Variants in POU6F1 observed in about 807,000 individuals in gnomAD.
POU6F1 encodes the protein POU class 6 homeobox 1, also known as POU domain, class 6, transcription factor 1.
POU6F1 carries 9 observed loss-of-function variants against 28.9 expected under a neutral mutation model. The observed-to-expected ratio is 0.31, with a 90% CI of 0.19 to 0.54. POU6F1 has a LOEUF of 0.54. POU6F1 is among the 20% of genes least tolerant of loss of function. The pLI, the probability that POU6F1 is intolerant of heterozygous loss-of-function variation, is 0.94. For missense variants in POU6F1, 338 were observed against 426.1 expected, an observed-to-expected ratio of 0.79 and a Z score of 1.82; for synonymous variants, 173 against 171.1, an observed-to-expected ratio of 1.01 and a Z score of -0.09.
At chr12:51,216,415 T>C (rs1944287845) in intron 1 of POU6F1, among the ~76,000 whole-genome samples, 1 of 152,192 alleles carries the variant, frequency 6.6e-6, no homozygotes, top group South Asian at 2.1e-4. Flanking sequence ...GGTATTACCT[T>C]GTTAGTTTTA....
chr12:51,198,180 G>A (rs928231725), intron 5 of POU6F1, 157 bp from the exon 6 acceptor site: 15 of 397,664 alleles, frequency 3.8e-5, no homozygotes, highest in African/African-American at 2.1e-4. Flanking sequence ...AAGGGCTGGC[G>A]CACGCCAGCA....
At chr12:51,201,855 G>GT (rs1943233156) in intron 3 of POU6F1, 2 of 144,860 alleles carry the variant, frequency 1.4e-5, no homozygotes, top group African/African-American at 2.7e-5. Context: ...ACTCAATATA[G>GT]TTGTTTTTTT....
intron 1 of POU6F1, among the ~76,000 whole-genome samples, chr12:51,211,757 C>T (rs1023715613): frequency 6.6e-6 from 1 of 152,016 alleles, no homozygotes; most frequent in African/African-American, 2.4e-5. Context: ...GACCTTGTCC[C>T]TAATAAATAA....
intron 3 of POU6F1, among the ~76,000 whole-genome samples, chr12:51,200,384 G>T (rs1033012141): frequency 6.6e-6 from 1 of 152,206 alleles, no homozygotes; most frequent in Non-Finnish European, 1.5e-5. Context: ...CTGAAAATTG[G>T]ACAGGTCTGT....
chr12:51,190,115 C>T lies in POU6F1; in HGVS notation c.*132G>A, dbSNP rs573397756. On this transcript the variant is annotated 3_prime_UTR_variant, in exon 11 of 11. Coordinates refer to ENST00000333640, the MANE Select transcript of POU6F1 (RefSeq NM_001330422.2). This position sits in a 1 kb window ranked among gnomAD's most constrained non-coding sequence, Gnocchi z 4.5. ...AGAGGGACATTGATGCACATGCACA[C>T]GGTGGAGTCTGATGACCTGGGGTGA... 184 of 1,398,594 alleles carry T rather than the reference C, an allele frequency of 1.3e-4. No homozygotes were observed. The highest frequency in any genetic ancestry group is 1.6e-4 in the Non-Finnish European group (173 of 1,055,378). 86.6% of individuals were successfully genotyped at this position (1,398,594 alleles called of 1,614,324 possible). A position where few individuals can be genotyped will look rare whatever the true frequency, so the allele number is the denominator to read the frequency against.
intron 3 of POU6F1, chr12:51,202,491 A>G (rs1273031582): frequency 6.6e-6 from 1 of 151,968 alleles, no homozygotes; most frequent in East Asian, 1.9e-4. Flanking sequence ...CGCCCGGCTA[A>G]TTTATTTATT....
intron 1 of POU6F1, among the ~76,000 whole-genome samples, chr12:51,211,171 C>A (rs1336249488): frequency 6.6e-6 from 1 of 152,210 alleles, no homozygotes; most frequent in Non-Finnish European, 1.5e-5. Flanking sequence ...GCAGTGCCCA[C>A]AGCCTGAAGG....
intron 9 of POU6F1, 37 bp downstream of exon 9, chr12:51,192,293 C>T (rs1315850165): frequency 1.9e-6 from 3 of 1,607,674 alleles, no homozygotes; most frequent in South Asian, 1.1e-5. Context: ...TAAATGCCTC[C>T]CCACTTCTCC....
rs1385230419 is a variant in POU6F1 at position 51,212,801 on chromosome 12, A to G, written c.-48+4841T>C. Among the ~76,000 whole-genome samples, 7 of 150,052 alleles carry G rather than the reference A, an allele frequency of 4.7e-5. No homozygotes were observed. The Admixed American group carries it at 4.7e-4, about 10-fold the overall frequency. On this transcript the variant is annotated intron_variant, in intron 1 of 10. Transcript: ENST00000333640. Reference sequence around the variant, plus strand: ...CAAAAAAAAAAAAAAAAAAAAAAAAAGAAAGCTATAGTCCAATATGGGAGT... The same window carrying G: ...CAAAAAAAAAAAAAAAAAAAAAAAAGGAAAGCTATAGTCCAATATGGGAGT...
intron 1 of POU6F1, chr12:51,207,483 C>A (rs1429861436): frequency 6.6e-6 from 1 of 152,110 alleles, no homozygotes; most frequent in Non-Finnish European, 1.5e-5. Context: ...CCCAGCAGAA[C>A]CCAATGGGAA....
At chr12:51,215,535 G>C (rs535652484) in intron 1 of POU6F1, among the ~76,000 whole-genome samples, 1 of 122,190 alleles carries the variant, frequency 8.2e-6, no homozygotes, top group South Asian at 2.7e-4. Context: ...CAGACTGAGC[G>C]ACAGAGTGAA....
At chr12:51,205,519 C>T (rs1017571769) in intron 2 of POU6F1, among the ~76,000 whole-genome samples, 4 of 152,206 alleles carry the variant, frequency 2.6e-5, no homozygotes, top group South Asian at 4.1e-4. Context: ...ATCACCAGCA[C>T]GGAAACCCTG....
At position 51,199,676 on chromosome 12, in the gene POU6F1, C is replaced by CCCCATGCTGGCTGT. The variant is rs1943080841; in HGVS notation, c.366+57_366+70dup. On this transcript the variant is annotated intron_variant, in intron 4 of 10. Coordinates refer to ENST00000333640, the MANE Select transcript of POU6F1 (RefSeq NM_001330422.2). This position sits in a 1 kb window ranked among gnomAD's most constrained non-coding sequence, Gnocchi z 4.1. ...ATGAAGTTCCCAGATTCCATGGCTT[C>CCCCATGCTGGCTGT]CCCATGCTGGCTGTCCCATGCCTCG... is the stretch of plus-strand genomic sequence containing the variant. The CCCCATGCTGGCTGT allele has an allele frequency of 2.5e-6, 1 of 399,092 alleles. No individual in the cohort carries two copies. Among genetic ancestry groups the CCCCATGCTGGCTGT allele is most frequent in the Non-Finnish European group, 4.4e-6 (1 of 226,208 alleles). 24.7% of individuals were successfully genotyped at this position (399,092 alleles called of 1,614,324 possible).
chr12:51,217,332 T>A lies in POU6F1; in HGVS notation c.-48+310A>T, dbSNP rs1454726163. ...GAAACGGGGAGGGGCCAGGTCGGGG[T>A]TCCCCACCGGGTCCACCTGGCGGCC... On this transcript the variant is annotated intron_variant, in intron 1 of 10. Coordinates refer to ENST00000333640, the MANE Select transcript of POU6F1 (RefSeq NM_001330422.2). This position sits in a 1 kb window ranked among gnomAD's most constrained non-coding sequence, Gnocchi z 5.3. Among the ~76,000 whole-genome samples the A allele has an allele frequency of 6.6e-6, 1 of 151,234 alleles. No homozygotes were observed.
At chr12:51,196,590 C>T (rs949303378) in intron 7 of POU6F1, among the ~76,000 whole-genome samples, 1 of 152,252 alleles carries the variant, frequency 6.6e-6, no homozygotes, top group Non-Finnish European at 1.5e-5. Flanking sequence ...TAAATGAAAA[C>T]TCCCACGTAA....
In POU6F1 at chr12:51,192,420, C is replaced by T. The variant is rs1398616551; in HGVS notation, c.1231G>A (p.Ala411Thr). The change falls in exon 9 of 11, where the codon GCC becomes ACC. Residue 411 changes from alanine (A) to threonine (T), a missense_variant. Transcript: ENST00000333640. The stretch of plus-strand genomic sequence containing the variant: ...GGCTTGGCGGCTGGAGCTGGGCTGG[C>T]AATGACCACAGCAGGCTGGGGCACG... ...PTVPQPAVVIASPAPAAKPSA... is the reference protein window; with the variant it reads ...PTVPQPAVVITSPAPAAKPSA... 5 of 1,613,906 alleles carry T rather than the reference C, an allele frequency of 3.1e-6. No homozygotes were observed. In the East Asian group the frequency reaches 6.7e-5, roughly 22 times the overall value.
Position 51,199,617 on chromosome 12 carries a change from C to G in POU6F1, c.366+130G>C. Reference sequence around the variant, plus strand: ...GATGTGCCTAGTGGGAGAGTCCCTCCCTCAAGCCATAGCCCCTTCCCTGTC... The same window carrying G: ...GATGTGCCTAGTGGGAGAGTCCCTCGCTCAAGCCATAGCCCCTTCCCTGTC... On this transcript the variant is annotated intron_variant, in intron 4 of 10. Transcript: ENST00000333640. The surrounding 1 kb of genome is among the most constrained non-coding windows in gnomAD (Gnocchi z 4.1). 2.5e-6 allele frequency: 1 copy of G among 398,300 alleles called. No homozygotes were observed. 24.7% of individuals were successfully genotyped at this position (398,300 alleles called of 1,614,324 possible). A position where few individuals can be genotyped will look rare whatever the true frequency, so the allele number is the denominator to read the frequency against.
chr12:51,189,658 T>C lies in POU6F1; in HGVS notation c.*589A>G, dbSNP rs1126905. On this transcript the variant is annotated 3_prime_UTR_variant, in exon 11 of 11. Coordinates refer to ENST00000333640, the MANE Select transcript of POU6F1 (RefSeq NM_001330422.2). ...GTTTGGGAACCTTCTGACCTTGAGG[T>C]CAAGGCAGACATGGAGTCTGACCTT... The C allele has an allele frequency of 0.06, 9,249 of 154,004 alleles. 398 individuals are homozygous for C. The highest frequency in any genetic ancestry group is 0.094 in the Non-Finnish European group (6,456 of 69,044). 9.5% of individuals were successfully genotyped at this position (154,004 alleles called of 1,614,324 possible).
Position 51,188,677 on chromosome 12 carries a change from T to TG in POU6F1, c.*1569dup, listed in dbSNP as rs1174307991. On this transcript the variant is annotated 3_prime_UTR_variant, in exon 11 of 11. Coordinates refer to ENST00000333640, the MANE Select transcript of POU6F1 (RefSeq NM_001330422.2). ...AGGAAGCTAGGCTAGGAGGTGGCTC[T>TG]GCACCAGTGACTGACAGAGGTGGTG... 2 of 152,330 alleles carry TG rather than the reference T, an allele frequency of 1.3e-5. No homozygotes were observed. The highest frequency in any genetic ancestry group is 2.9e-5 in the Non-Finnish European group (2 of 68,080). The allele number at this position is 152,330 out of a possible 1,614,324, so 9.4% of individuals were successfully genotyped here.
Sources: gnomAD v4.1 joint callset for allele counts (sites outside exome capture counted in the v4.1 genomes callset) on GRCh38, gnomAD v4.1.1 for gene constraint, Gnocchi (gnomAD v3.1) non-coding constraint, MANE v1.5 for transcripts, NCBI Gene and HGNC (gene_info 2026-07-23, HGNC 2026-07-21) for gene names.